The following DSCAML1 variants were observed in gnomAD, a reference collection of about 807,000 sequenced individuals.
DSCAML1 encodes the protein cell adhesion molecule DSCAML1.
DSCAML1 carries 38 observed loss-of-function variants against 200.5 expected under a neutral mutation model. The ratio of observed to expected loss-of-function variants is 0.19; its 90% confidence interval spans 0.15 to 0.25. DSCAML1 has a LOEUF of 0.25. Among genes scored for constraint, DSCAML1 ranks in the 10% least tolerant of loss-of-function variants. The pLI is 1.00. For missense variants in DSCAML1, 2,223 were observed against 2,858.8 expected (o/e 0.78, Z 5.07); for synonymous variants, 1,215 against 1,165.0 (o/e 1.04, Z -0.87).
intron 1 of DSCAML1, among the ~76,000 whole-genome samples, chr11:117,810,423 C>G (rs193190693): frequency 2.6e-5 from 4 of 152,106 alleles, no homozygotes; most frequent in Admixed American, 6.5e-5. Flanking sequence ...GCACCCCGAC[C>G]TCTTATCTCT....
At chr11:117,641,028 G>C (rs1246347783) in intron 3 of DSCAML1, among the ~76,000 whole-genome samples, 1 of 152,204 alleles carries the variant, frequency 6.6e-6, no homozygotes, top group Non-Finnish European at 1.5e-5. Flanking sequence ...ATTTTATTTT[G>C]ATAGAGGGGA....
intron 3 of DSCAML1, among the ~76,000 whole-genome samples, chr11:117,588,644 C>T (rs1020000203): frequency 7.2e-5 from 11 of 152,328 alleles, no homozygotes; most frequent in Admixed American, 2.0e-4. Context: ...GGAGAGCTCT[C>T]GAGTGTGCTG....
At chr11:117,621,483 A>C (rs1453135238) in intron 3 of DSCAML1, among the ~76,000 whole-genome samples, 1 of 152,200 alleles carries the variant, frequency 6.6e-6, no homozygotes. Flanking sequence ...ATTTTAACCA[A>C]AGGGGAAGGC....
intron 27 of DSCAML1, 123 bp from the exon 28 acceptor site, chr11:117,433,594 A>C: frequency 9.7e-7 from 1 of 1,028,652 alleles, no homozygotes; most frequent in Non-Finnish European, 1.4e-6. Context: ...TGGTCTCCTA[A>C]GAAGCAGAAG....
At chr11:117,771,755 TAAAAAC>T (rs2055043819) in intron 3 of DSCAML1, among the ~76,000 whole-genome samples, 1 of 151,940 alleles carries the variant, frequency 6.6e-6, no homozygotes, top group African/African-American at 2.4e-5. Flanking sequence ...AATGAGAAAA[TAAAAAC>T]AAAAACAGAA....
chr11:117,481,110 A>G, intron 13 of DSCAML1, 64 bp downstream of exon 13: 1 of 1,463,294 alleles, frequency 6.8e-7, no homozygotes, highest in Non-Finnish European at 9.6e-7. Context: ...TTTGAGGTGG[A>G]GTTAGCGGTG....
chr11:117,515,777 C>A (rs188304761), intron 8 of DSCAML1, among the ~76,000 whole-genome samples: 1 of 151,876 alleles, frequency 6.6e-6, no homozygotes, highest in African/African-American at 2.4e-5. Context: ...CCTACCACCA[C>A]GCCCGGCTAA....
rs756991308 is a variant in DSCAML1, at chr11:117,521,311, G to A, written c.1032C>T (p.Phe344=). The A allele has an allele frequency of 1.5e-5, 25 of 1,614,090 alleles. No individual in the cohort carries two copies. Among genetic ancestry groups the A allele is most frequent in the Non-Finnish European group, 1.7e-5 (20 of 1,180,048 alleles). The change falls in exon 6 of 33, where the codon TTC becomes TTT. Residue 344 remains phenylalanine (F), a synonymous_variant. Transcript: ENST00000651296. The part of the protein sequence containing the change: ...LSCALTGSPE[F]TIRWYRNTEL... Reference sequence around the variant, plus strand: ...CCGTGTTGCGATACCAGCGGATGGTGAACTCTGGGGAGCCCGTCAGGGCAC... The same window carrying A: ...CCGTGTTGCGATACCAGCGGATGGTAAACTCTGGGGAGCCCGTCAGGGCAC...
In DSCAML1 at chr11:117,437,085, C is replaced by A. The variant is rs748430225; in HGVS notation, c.4720+37G>T. The A allele has an allele frequency of 5.0e-6, 8 of 1,587,948 alleles. No individual in the cohort carries two copies. ...CCACTTCCTTCGCACCACCCTGCTC[C>A]AGCCTCTGTACCATCCCTTCCACCC... is the stretch of plus-strand genomic sequence containing the variant. On this transcript the variant is annotated intron_variant, in intron 26 of 32. Transcript: ENST00000651296. This position sits in a 1 kb window ranked among gnomAD's most constrained non-coding sequence, Gnocchi z 5.3.
intron 3 of DSCAML1, among the ~76,000 whole-genome samples, chr11:117,594,470 CAAT>C: frequency 6.6e-6 from 1 of 152,224 alleles, no homozygotes; most frequent in East Asian, 1.9e-4. Flanking sequence ...ATGCTCTCAG[CAAT>C]GCACGCACAC....
intron 15 of DSCAML1, among the ~76,000 whole-genome samples, chr11:117,471,497 G>A (rs1046196813): frequency 4.6e-5 from 7 of 152,112 alleles, no homozygotes; most frequent in Admixed American, 2.0e-4. Context: ...TGTATTACAT[G>A]ATAACAAAAG....
At chr11:117,807,978 C>A (rs2134087955) in intron 1 of DSCAML1, among the ~76,000 whole-genome samples, 1 of 152,282 alleles carries the variant, frequency 6.6e-6, no homozygotes, top group East Asian at 1.9e-4. Flanking sequence ...CATGCCACCA[C>A]ACCCAGCTAA....
intron 1 of DSCAML1, among the ~76,000 whole-genome samples, chr11:117,785,091 C>T (rs1158577941): frequency 1.3e-5 from 2 of 152,176 alleles, no homozygotes; most frequent in Non-Finnish European, 2.9e-5. Context: ...ACATTCATTG[C>T]CTCAGGAGAT....
intron 5 of DSCAML1, among the ~76,000 whole-genome samples, chr11:117,523,315 G>C (rs1287410233): frequency 1.3e-5 from 2 of 152,164 alleles, no homozygotes; most frequent in African/African-American, 4.8e-5. Context: ...GAGCAGGAGG[G>C]TGGGAAGGAG....
At chr11:117,584,092 AG>A (rs1204899245) in intron 3 of DSCAML1, among the ~76,000 whole-genome samples, 1 of 151,366 alleles carries the variant, frequency 6.6e-6, no homozygotes, top group African/African-American at 2.4e-5. Flanking sequence ...TGCAATATTA[AG>A]GGATCCTCGG....
intron 32 of DSCAML1, among the ~76,000 whole-genome samples, chr11:117,429,770 G>A (rs2047746503): frequency 6.6e-6 from 1 of 152,178 alleles, no homozygotes; most frequent in Admixed American, 6.5e-5. Flanking sequence ...CTGCAAATGG[G>A]CCTCTTCCCC....
chr11:117,519,045 G>A, intron 6 of DSCAML1, among the ~76,000 whole-genome samples: 1 of 152,188 alleles, frequency 6.6e-6, no homozygotes, highest in East Asian at 1.9e-4. Context: ...ATGGACGGAG[G>A]ATGGGGATAA....
intron 3 of DSCAML1, among the ~76,000 whole-genome samples, chr11:117,568,933 C>A (rs2050801027): frequency 6.6e-6 from 1 of 152,178 alleles, no homozygotes; most frequent in Admixed American, 6.5e-5. Flanking sequence ...GCCAAAAGAA[C>A]AAAGCTGGAG....
chr11:117,691,150 G>T (rs2053487092), intron 3 of DSCAML1, among the ~76,000 whole-genome samples: 1 of 152,318 alleles, frequency 6.6e-6, no homozygotes, highest in East Asian at 1.9e-4. Flanking sequence ...GCTGTCTCAG[G>T]AGTAAGTCTA....
Sources: gnomAD v4.1 joint callset for allele counts (sites outside exome capture counted in the v4.1 genomes callset) on GRCh38, gnomAD v4.1.1 for gene constraint, Gnocchi (gnomAD v3.1) non-coding constraint, MANE v1.5 for transcripts, NCBI Gene and HGNC (gene_info 2026-07-23, HGNC 2026-07-21) for gene names.